The following PDE11A variants were observed in gnomAD, a reference collection of about 807,000 sequenced individuals.
The protein encoded by PDE11A is dual 3',5'-cyclic-AMP and -GMP phosphodiesterase 11A.
Under a neutral mutation model 100.5 loss-of-function variants are expected in PDE11A, and 100 were observed. The observed-to-expected ratio is 1.00, with a 90% CI of 0.85 to 1.18. PDE11A has a LOEUF of 1.18. Ranked by LOEUF, PDE11A falls within the 50% of genes most tolerant of loss-of-function variation. The probability of loss-of-function intolerance (pLI) is 0.00; values close to 1 mark genes in which losing one functional copy is unlikely to be tolerated. For missense variants in PDE11A, 1,141 were observed against 1,152.6 expected (o/e 0.99, Z 0.15); for synonymous variants, 381 against 420.8 (o/e 0.91, Z 1.16).
intron 1 of PDE11A, among the ~76,000 whole-genome samples, chr2:178,061,608 T>A (rs558087121): frequency 6.6e-6 from 1 of 151,830 alleles, no homozygotes; most frequent in South Asian, 2.1e-4. Context: ...TAGGGAAGAG[T>A]AAAGAGAGGA....
intron 19 of PDE11A, among the ~76,000 whole-genome samples, chr2:177,658,968 G>A (rs2080432803): frequency 6.6e-6 from 1 of 152,040 alleles, no homozygotes; most frequent in African/African-American, 2.4e-5. Context: ...CATTAAAAGT[G>A]AAGGCAGAGG....
chr2:178,100,245 T>C (rs371828215), intron 2 of PDE11A, among the ~76,000 whole-genome samples: 1 of 152,212 alleles, frequency 6.6e-6, no homozygotes, highest in African/African-American at 2.4e-5. Context: ...TTATGTTATA[T>C]ATATTTTGCT....
intron 6 of PDE11A, among the ~76,000 whole-genome samples, chr2:177,826,839 C>T (rs1432711765): frequency 6.6e-6 from 1 of 152,234 alleles, no homozygotes; most frequent in Non-Finnish European, 1.5e-5. Context: ...TACCCTTCTT[C>T]TCAGGAAAGG....
intron 3 of PDE11A, 66 bp from the exon 4 acceptor site, chr2:177,898,264 A>T (rs1042199660): frequency 2.9e-5 from 31 of 1,054,140 alleles, no homozygotes; most frequent in Non-Finnish European, 4.5e-5. Context: ...TTTTCTTCTT[A>T]AAATTTAATC....
chr2:177,634,207 T>C (rs1383287518), intron 19 of PDE11A, among the ~76,000 whole-genome samples: 1 of 152,170 alleles, frequency 6.6e-6, no homozygotes, highest in African/African-American at 2.4e-5. Flanking sequence ...GCTTCCTTTG[T>C]ATGGAATAAA....
intron 2 of PDE11A, among the ~76,000 whole-genome samples, chr2:177,905,678 C>T (rs34752624): frequency 0.1 from 15,954 of 152,230 alleles, 1,153 homozygotes; most frequent in Non-Finnish European, 0.15. Flanking sequence ...GATTCTAGAC[C>T]TATCTGCTAC....
intron 12 of PDE11A, among the ~76,000 whole-genome samples, chr2:177,719,909 G>A (rs376647414): frequency 7.9e-5 from 12 of 152,130 alleles, no homozygotes; most frequent in African/African-American, 2.9e-4. Context: ...CAATGCTGAT[G>A]GCTGGTCCAG....
rs911385258 is a variant in PDE11A at position 177,669,524 on chromosome 2, C to A, written c.2531G>T (p.Arg844Leu). ...AGTGAGTTTGAGCTCTAATCTCTCC[C>A]GATCTCCTTGTTCGAAGAACTCACT... ...VTSEFFEQGD[R>L]ERLELKLTPS... The change falls in exon 18 of 20, where the codon CGG becomes CTG. Residue 844 changes from arginine (R) to leucine (L), a missense_variant. Physicochemically the swap from Arg to Leu is moderately radical, Grantham distance 102. Transcript: ENST00000286063. 1 of 1,458,822 alleles carries A rather than the reference C, an allele frequency of 6.9e-7. No homozygotes were observed. The highest frequency in any genetic ancestry group is 1.7e-5 in the Admixed American group (1 of 59,814). The allele number at this position is 1,458,822 out of a possible 1,614,324, so 90.4% of individuals were successfully genotyped here.
intron 4 of PDE11A, among the ~76,000 whole-genome samples, chr2:177,894,272 G>A (rs1285891340): frequency 1.3e-5 from 2 of 152,144 alleles, no homozygotes; most frequent in Non-Finnish European, 2.9e-5. Flanking sequence ...TGCTGGGGAT[G>A]CCACATAAAT....
chr2:178,044,536 A>G (rs1406006242), intron 1 of PDE11A, among the ~76,000 whole-genome samples: 2 of 151,760 alleles, frequency 1.3e-5, no homozygotes, highest in African/African-American at 2.4e-5. Context: ...TTTCTGATAT[A>G]AACCTCTCAT....
intron 19 of PDE11A, among the ~76,000 whole-genome samples, chr2:177,653,498 T>C (rs1315571882): frequency 6.6e-6 from 1 of 152,172 alleles, no homozygotes; most frequent in Non-Finnish European, 1.5e-5. Flanking sequence ...CCGGTACCTG[T>C]GAATGTGGCC....
chr2:177,635,421 C>T (rs1027775721), intron 19 of PDE11A, among the ~76,000 whole-genome samples: 2 of 152,150 alleles, frequency 1.3e-5, no homozygotes, highest in Admixed American at 6.5e-5. Flanking sequence ...GACAGGACCT[C>T]GGATACTTGC....
chr2:178,084,121 G>A (rs1163241442), intron 2 of PDE11A, among the ~76,000 whole-genome samples: 1 of 152,172 alleles, frequency 6.6e-6, no homozygotes, highest in East Asian at 1.9e-4. Flanking sequence ...GTGTATTATA[G>A]CTATCCCTCC....
chr2:177,771,340 C>T (rs2082308033), intron 9 of PDE11A, among the ~76,000 whole-genome samples: 2 of 152,146 alleles, frequency 1.3e-5, no homozygotes, highest in African/African-American at 4.8e-5. Context: ...AACCTAATAA[C>T]CTATTGACCA....
chr2:178,083,569 T>A (rs1296368125), intron 2 of PDE11A, among the ~76,000 whole-genome samples: 1 of 152,186 alleles, frequency 6.6e-6, no homozygotes, highest in South Asian at 2.1e-4. Context: ...AGAAAGCACA[T>A]GTCGAGGGCA....
chr2:178,044,441 CAT>C (rs2086723359), intron 1 of PDE11A, among the ~76,000 whole-genome samples: 1 of 78,130 alleles, frequency 1.3e-5, no homozygotes, highest in South Asian at 4.1e-4. Flanking sequence ...TATACATAAA[CAT>C]ATATATGTAT....
intron 2 of PDE11A, among the ~76,000 whole-genome samples, chr2:177,950,467 A>G (rs2085492943): frequency 6.6e-6 from 1 of 152,184 alleles, no homozygotes; most frequent in South Asian, 2.1e-4. Flanking sequence ...AATCTCCCTG[A>G]AGTCACAGGG....
intron 5 of PDE11A, among the ~76,000 whole-genome samples, chr2:177,863,706 T>C (rs2083982249): frequency 9.8e-6 from 1 of 102,320 alleles, no homozygotes; most frequent in African/African-American, 2.7e-5. Flanking sequence ...GTTGGTGAGG[T>C]TGTGGAGAAA....
chr2:177,924,270 T>C (rs969558374), intron 2 of PDE11A, among the ~76,000 whole-genome samples: 15 of 152,208 alleles, frequency 9.9e-5, no homozygotes, highest in Non-Finnish European at 2.2e-4. Context: ...TGATATATTA[T>C]AGCATCCATG....
Sources: allele counts gnomAD v4.1 joint callset (sites outside exome capture counted in the v4.1 genomes callset), GRCh38; gene constraint gnomAD v4.1.1; transcripts MANE v1.5; gene names NCBI Gene and HGNC (gene_info 2026-07-23, HGNC 2026-07-21).